NSF: variants seen among roughly 807,000 people sequenced by gnomAD.
NSF encodes the protein vesicle-fusing ATPase.
NSF carries 14 observed loss-of-function variants against 50.3 expected under a neutral mutation model. The observed-to-expected ratio is 0.28, with a 90% CI of 0.18 to 0.44. The LOEUF is 0.44. Among genes scored for constraint, NSF ranks in the 20% least tolerant of loss-of-function variants. The probability of loss-of-function intolerance (pLI) is 1.00; values close to 1 mark genes in which losing one functional copy is unlikely to be tolerated. For synonymous variants in NSF, 109 were observed against 175.7 expected, an observed-to-expected ratio of 0.62 and a Z score of 3.00; for missense variants, 218 against 504.3, an observed-to-expected ratio of 0.43 and a Z score of 5.44.
intron 17 of NSF, among the ~76,000 whole-genome samples, chr17:46,743,022 C>T (rs1041019181): frequency 6.6e-6 from 1 of 152,194 alleles, no homozygotes; most frequent in Non-Finnish European, 1.5e-5. Context: ...TGCTGCCTCT[C>T]CCTGAGGCCC....
intron 11 of NSF, 114 bp from the exon 12 acceptor site, chr17:46,694,361 T>C: frequency 1.4e-6 from 1 of 718,880 alleles, no homozygotes; most frequent in Non-Finnish European, 2.2e-6. Context: ...CACTCCAGCC[T>C]GGGAAACAGA....
intron 17 of NSF, among the ~76,000 whole-genome samples, chr17:46,740,297 G>A (rs1455309584): frequency 2.0e-5 from 3 of 152,204 alleles, no homozygotes; most frequent in Non-Finnish European, 2.9e-5. Context: ...GGTTAAATGA[G>A]GGCAGGGTAT....
At chr17:46,723,466 G>T (rs1470815990) in intron 15 of NSF, among the ~76,000 whole-genome samples, 2 of 152,218 alleles carry the variant, frequency 1.3e-5, no homozygotes, top group Non-Finnish European at 2.9e-5. Context: ...TGTCTCGAAT[G>T]TACCAACTCA....
chr17:46,610,027 T>TTC (rs1555666763), intron 1 of NSF, among the ~76,000 whole-genome samples: 1,995 of 109,084 alleles, frequency 0.018, 231 homozygotes, highest in Middle Eastern at 0.04. Flanking sequence ...CTTTCTTTCT[T>TTC]TCTCTCTCTC....
At chr17:46,726,063 C>T (rs2058886479) in intron 15 of NSF, among the ~76,000 whole-genome samples, 1 of 152,154 alleles carries the variant, frequency 6.6e-6, no homozygotes, top group Non-Finnish European at 1.5e-5. Flanking sequence ...TCATACTCAA[C>T]CTTTAATTCT....
In NSF at chr17:46,751,636, G is replaced by A. The variant is rs371178494; in HGVS notation, c.2157+20G>A. The A allele has an allele frequency of 1.7e-4, 259 of 1,486,712 alleles. 1 individual carries two copies. The highest frequency in any genetic ancestry group is 4.9e-4 in the Admixed American group (29 of 58,968). The allele number at this position is 1,486,712 out of a possible 1,614,324, so 92.1% of individuals were successfully genotyped here. A position where few individuals can be genotyped will look rare whatever the true frequency, so the allele number is the denominator to read the frequency against. On this transcript the variant is annotated intron_variant, in intron 19 of 20. Transcript: ENST00000398238. ...CTACAGGTAAGGTACTTCGTTCTCC[G>A]TATGACTCAGACAGAACAAAGCTTC...
intron 19 of NSF, among the ~76,000 whole-genome samples, chr17:46,753,619 A>G (rs557541073): frequency 2.0e-5 from 3 of 152,018 alleles, no homozygotes; most frequent in East Asian, 1.9e-4. Flanking sequence ...TTTTTTTTCA[A>G]TAATTGCATA....
Position 46,716,221 on chromosome 17 carries a change from A to G in NSF, c.1761+2235A>G, listed in dbSNP as rs540229949. Among the ~76,000 whole-genome samples, 5 of 151,366 alleles carry G rather than the reference A, an allele frequency of 3.3e-5. No individual in the cohort carries two copies. The East Asian group carries it at 5.8e-4, about 18-fold the overall frequency. On this transcript the variant is annotated intron_variant, in intron 15 of 20. Transcript: ENST00000398238. ...TGAAATGTAAATGTCATTCTTTAGT[A>G]TAAGTTCTAGTCTACCTCCCACTAC...
In NSF at chr17:46,718,160, G is replaced by A. The variant is rs368533975; in HGVS notation, c.1761+4174G>A. On this transcript the variant is annotated intron_variant, in intron 15 of 20. Coordinates refer to ENST00000398238, the MANE Select transcript of NSF (RefSeq NM_006178.4). The stretch of plus-strand genomic sequence containing the variant: ...CCAAATGGCTGCACTGGCTGGTTCC[G>A]GTCTCCAGAGAACCTTGGTGTTTGC... Among the ~76,000 whole-genome samples the A allele has an allele frequency of 9.9e-4, 150 of 152,270 alleles. 2 individuals are homozygous for A. Among genetic ancestry groups the A allele is most frequent in the South Asian group, 3.9e-3 (19 of 4,826 alleles).
chr17:46,753,702 A>G (rs1272302679), intron 19 of NSF, among the ~76,000 whole-genome samples: 1 of 152,122 alleles, frequency 6.6e-6, no homozygotes, highest in African/African-American at 2.4e-5. Flanking sequence ...GTCAGTGATC[A>G]AGTTAATGCT....
At chr17:46,746,805 A>G (rs563952302) in intron 17 of NSF, among the ~76,000 whole-genome samples, 49 of 152,214 alleles carry the variant, frequency 3.2e-4, no homozygotes, top group Non-Finnish European at 6.3e-4. Flanking sequence ...GTGAGATTCA[A>G]TAGCTTCATC....
At chr17:46,731,419 G>T (rs2058947618) in intron 17 of NSF, among the ~76,000 whole-genome samples, 1 of 152,132 alleles carries the variant, frequency 6.6e-6, no homozygotes, top group South Asian at 2.1e-4. Flanking sequence ...ATTGATTTTG[G>T]TGGTGTTGTG....
At chr17:46,743,635 G>A (rs977864861) in intron 17 of NSF, among the ~76,000 whole-genome samples, 2 of 152,154 alleles carry the variant, frequency 1.3e-5, no homozygotes, top group Non-Finnish European at 2.9e-5. Context: ...CCTTAAAAAG[G>A]ACATCATATG....
intron 19 of NSF, 98 bp from the exon 20 acceptor site, chr17:46,755,216 T>C: frequency 1.2e-6 from 1 of 843,976 alleles, no homozygotes; most frequent in African/African-American, 1.7e-5. Context: ...AGCAGAGCAT[T>C]GATGAAGTGT....
chr17:46,721,169 G>A (rs1324316709), intron 15 of NSF, among the ~76,000 whole-genome samples: 1 of 152,202 alleles, frequency 6.6e-6, no homozygotes, highest in Non-Finnish European at 1.5e-5. Context: ...CTTAAGCCCA[G>A]GCTCCCCACA....
intron 17 of NSF, among the ~76,000 whole-genome samples, chr17:46,740,569 C>G (rs2059059559): frequency 6.6e-6 from 1 of 151,758 alleles, no homozygotes; most frequent in Non-Finnish European, 1.5e-5. Context: ...GTGTGGTCAT[C>G]TTAGTTAAGT....
chr17:46,755,706 T>C, intron 20 of NSF, 96 bp from the exon 21 acceptor site: 2 of 1,349,312 alleles, frequency 1.5e-6, no homozygotes, highest in Non-Finnish European at 2.0e-6. Context: ...GGATAACCAT[T>C]AAGAAGCTTT....
At chr17:46,739,676 A>T (rs1462813155) in intron 17 of NSF, among the ~76,000 whole-genome samples, 2 of 151,922 alleles carry the variant, frequency 1.3e-5, no homozygotes, top group Non-Finnish European at 2.9e-5. Flanking sequence ...GTTGGTACAA[A>T]GCTGAATATA....
chr17:46,615,720 A>C (rs1254061889), intron 1 of NSF, among the ~76,000 whole-genome samples: 2 of 49,514 alleles, frequency 4.0e-5, no homozygotes, highest in African/African-American at 2.0e-4. Context: ...TTGCCTCACA[A>C]AAAAAAAAAA....
Sources: gnomAD v4.1 joint callset for allele counts (sites outside exome capture counted in the v4.1 genomes callset) on GRCh38, gnomAD v4.1.1 for gene constraint, MANE v1.5 for transcripts, NCBI Gene and HGNC (gene_info 2026-07-23, HGNC 2026-07-21) for gene names.